PTPRE: variants seen among roughly 807,000 people sequenced by gnomAD.
PTPRE encodes the protein protein tyrosine phosphatase receptor type E.
In PTPRE, 51 loss-of-function variants were observed where a neutral mutation model predicts 102.0. The ratio of observed to expected loss-of-function variants is 0.50; its 90% CI spans 0.40 to 0.63. PTPRE has a LOEUF of 0.63. Among genes scored for constraint, PTPRE ranks in the 30% least tolerant of loss-of-function variants. The pLI is 0.00. For synonymous variants in PTPRE, 345 were observed against 348.2 expected, an observed-to-expected ratio of 0.99 and a Z score of 0.10; for missense variants, 752 against 915.1, an observed-to-expected ratio of 0.82 and a Z score of 2.30.
Position 127,988,583 on chromosome 10 carries a change from G to T in PTPRE, c.-8+6287G>T, listed in dbSNP as rs566690035. Among the ~76,000 whole-genome samples, 3 of 152,190 alleles carry T rather than the reference G, an allele frequency of 2.0e-5. No individual in the cohort carries two copies. In the East Asian group the frequency reaches 5.8e-4, roughly 29 times the overall value. On this transcript the variant is annotated intron_variant, in intron 2 of 20. Coordinates refer to ENST00000254667, the MANE Select transcript of PTPRE (RefSeq NM_006504.6). ...GTCTCCCAAAGTGCTGGGATTACAGGCATGAGCCACCCTACCTGGCCTGCG... is the reference window on the plus strand; with the variant it reads ...GTCTCCCAAAGTGCTGGGATTACAGTCATGAGCCACCCTACCTGGCCTGCG...
intron 1 of PTPRE, among the ~76,000 whole-genome samples, chr10:127,909,060 T>G (rs1426300478): frequency 3.3e-5 from 5 of 152,166 alleles, no homozygotes; most frequent in African/African-American, 1.2e-4. Context: ...AGAGGCCACC[T>G]CTCATTTCTG....
chr10:127,931,194 A>G (rs543429465), intron 1 of PTPRE, among the ~76,000 whole-genome samples: 13 of 152,260 alleles, frequency 8.5e-5, no homozygotes, highest in Admixed American at 5.9e-4. Context: ...CACAGTGTCC[A>G]GTATCTTTTC....
chr10:128,055,861 A>G (rs1848918232), intron 6 of PTPRE, among the ~76,000 whole-genome samples: 1 of 152,228 alleles, frequency 6.6e-6, no homozygotes, highest in African/African-American at 2.4e-5. Context: ...TTCATGCAGC[A>G]TAGGATCTGG....
Position 128,072,119 on chromosome 10 carries a change from G to A in PTPRE, c.1388-19G>A. On this transcript the variant is annotated intron_variant, in intron 15 of 20. Coordinates refer to ENST00000254667, the MANE Select transcript of PTPRE (RefSeq NM_006504.6). ...TGGGACCCTTTTTGTAATAACTAAA[G>A]GAAGATAATGCTTTGCAGATGACTT... 1 of 1,610,024 alleles carries A rather than the reference G, an allele frequency of 6.2e-7. No homozygotes were observed. Among genetic ancestry groups the A allele is most frequent in the Non-Finnish European group, 8.5e-7 (1 of 1,177,086 alleles).
Position 128,028,876 on chromosome 10 carries a change from C to T in PTPRE, c.-7-11999C>T, listed in dbSNP as rs115288881. On this transcript the variant is annotated intron_variant, in intron 2 of 20. Coordinates refer to ENST00000254667, the MANE Select transcript of PTPRE (RefSeq NM_006504.6). The surrounding 1 kb of genome is among the most constrained non-coding windows in gnomAD (Gnocchi z 4.5). ...CACCCCAGACGTCTGGCCCTCGTCC[C>T]GAATGCTGTCCCCTCTGGCCTCAGC... 0.011 allele frequency among the ~76,000 whole-genome samples: 1,621 copies of T among 152,282 alleles called. 35 individuals are homozygous for T. The highest frequency in any genetic ancestry group is 0.037 in the African/African-American group (1,548 of 41,568).
At chr10:128,074,191 C>T (rs1439673349) in intron 17 of PTPRE, among the ~76,000 whole-genome samples, 3 of 152,140 alleles carry the variant, frequency 2.0e-5, no homozygotes, top group Non-Finnish European at 2.9e-5. Flanking sequence ...TGTGGTCTTC[C>T]GTGATTGGGT....
intron 1 of PTPRE, among the ~76,000 whole-genome samples, chr10:127,974,122 C>A (rs934072067): frequency 6.6e-6 from 1 of 152,198 alleles, no homozygotes; most frequent in Non-Finnish European, 1.5e-5. Flanking sequence ...TTCTGCAGCC[C>A]CCTTGTGGCT....
intron 9 of PTPRE, 174 bp from the exon 10 acceptor site, chr10:128,062,909 A>T: frequency 8.6e-7 from 1 of 1,166,476 alleles, no homozygotes; most frequent in Non-Finnish European, 1.2e-6. Context: ...GAGTGGCAGG[A>T]CAGGCAGCCC....
chr10:127,926,020 C>T (rs1846983879), intron 1 of PTPRE, among the ~76,000 whole-genome samples: 1 of 152,170 alleles, frequency 6.6e-6, no homozygotes, highest in South Asian at 2.1e-4. Context: ...AGCTTAATAC[C>T]TTTCAGAAGA....
At chr10:128,027,411 AGGAGGCAAGTCAAAGTGAGGCT>A (rs1846363674) in intron 2 of PTPRE, among the ~76,000 whole-genome samples, 1 of 152,182 alleles carries the variant, frequency 6.6e-6, no homozygotes, top group Non-Finnish European at 1.5e-5. Context: ...AGCACCCCAC[AGGAGGCAAGTCAAAGTGAGGCT>A]CTGAGCTGTA....
chr10:128,074,484 G>A (rs1366996317), intron 17 of PTPRE, among the ~76,000 whole-genome samples: 2 of 152,174 alleles, frequency 1.3e-5, no homozygotes, highest in Non-Finnish European at 2.9e-5. Flanking sequence ...TGGCCAACAT[G>A]GCAAAACCCC....
chr10:128,082,846 C>T lies in PTPRE; in HGVS notation c.2043C>T (p.Phe681=). 6.4e-7 allele frequency: 1 copy of T among 1,559,720 alleles called. No individual in the cohort carries two copies. Among genetic ancestry groups the T allele is most frequent in the Non-Finnish European group, 8.6e-7 (1 of 1,162,830 alleles). The change falls in exon 21 of 21, where the codon TTC becomes TTT. Residue 681 remains phenylalanine, a synonymous_variant. Transcript: ENST00000254667. ...TGTCTTTTCAGGAACAGTATGAATT[C>T]TGCTACAAAGTGGTACAAGATTTTA... ...HMVQTLEQYE[F]CYKVVQDFID...
At chr10:128,058,663 G>T (rs531683128) in intron 7 of PTPRE, among the ~76,000 whole-genome samples, 5 of 152,156 alleles carry the variant, frequency 3.3e-5, no homozygotes, top group African/African-American at 1.2e-4. Flanking sequence ...TGCTCCACCC[G>T]CCCCCAGGGT....
At chr10:128,080,232 C>T (rs145333752) in intron 20 of PTPRE, among the ~76,000 whole-genome samples, 5 of 152,336 alleles carry the variant, frequency 3.3e-5, no homozygotes, top group African/African-American at 1.2e-4. Flanking sequence ...TTCTGGTTTT[C>T]AGAAGCGATT....
chr10:128,003,798 T>C (rs1253731059), intron 2 of PTPRE, among the ~76,000 whole-genome samples: 1 of 152,206 alleles, frequency 6.6e-6, no homozygotes, highest in Non-Finnish European at 1.5e-5. Flanking sequence ...ACTGTAGGAC[T>C]AGTGTTTAAT....
chr10:127,943,883 T>C (rs1321386254), intron 1 of PTPRE, among the ~76,000 whole-genome samples: 1 of 152,070 alleles, frequency 6.6e-6, no homozygotes, highest in East Asian at 1.9e-4. Context: ...GGGGTGGCAG[T>C]ATTGGGCATG....
chr10:127,999,418 C>T, intron 2 of PTPRE: 1 of 372,900 alleles, frequency 2.7e-6, no homozygotes. Flanking sequence ...CGGGGGGAAT[C>T]ATGATCGACA....
chr10:128,077,415 G>T (rs372872653), intron 18 of PTPRE, among the ~76,000 whole-genome samples: 11 of 152,334 alleles, frequency 7.2e-5, no homozygotes, highest in Middle Eastern at 3.4e-3. Flanking sequence ...CCTTGCAGAA[G>T]GAAGCACAGC....
intron 3 of PTPRE, among the ~76,000 whole-genome samples, chr10:128,044,071 C>G (rs913591284): frequency 2.0e-5 from 3 of 152,156 alleles, no homozygotes; most frequent in African/African-American, 7.2e-5. Context: ...CTATTTATTT[C>G]CCAAACCTGC....
Sources: allele counts gnomAD v4.1 joint callset (sites outside exome capture counted in the v4.1 genomes callset), GRCh38; gene constraint gnomAD v4.1.1; non-coding constraint Gnocchi (gnomAD v3.1); transcripts MANE v1.5; gene names NCBI Gene and HGNC (gene_info 2026-07-23, HGNC 2026-07-21).